Variants in KNTC1 observed in about 807,000 individuals in gnomAD.
The protein encoded by KNTC1 is kinetochore associated 1.
KNTC1 carries 253 observed loss-of-function variants against 314.4 expected under a neutral mutation model. The ratio of observed to expected loss-of-function variants is 0.80; its 90% CI spans 0.73 to 0.89. The LOEUF (loss-of-function observed/expected upper bound fraction) is 0.89. Ranked by LOEUF, KNTC1 falls within the 40% of genes least tolerant of loss-of-function variation. KNTC1 has a pLI of 0.00. For missense variants in KNTC1, 2,475 were observed against 2,572.9 expected, an observed-to-expected ratio of 0.96 and a Z score of 0.82; for synonymous variants, 901 against 901.4, an observed-to-expected ratio of 1.00 and a Z score of 0.01.
intron 1 of KNTC1, 83 bp from the exon 2 acceptor site, chr12:122,529,908 T>G (rs1413951455): frequency 1.5e-6 from 1 of 670,030 alleles, no homozygotes; most frequent in Non-Finnish European, 2.4e-6. Context: ...CTAAGATGTC[T>G]GTATATGTTA....
At chr12:122,583,977 T>A (rs1288968394) in intron 34 of KNTC1, among the ~76,000 whole-genome samples, 2 of 152,010 alleles carry the variant, frequency 1.3e-5, no homozygotes, top group Non-Finnish European at 2.9e-5. Flanking sequence ...ATTTAAAAAT[T>A]AGCCAAGTGT....
intron 24 of KNTC1, among the ~76,000 whole-genome samples, chr12:122,572,025 G>C (rs1295614237): frequency 6.6e-6 from 1 of 152,014 alleles, no homozygotes; most frequent in African/African-American, 2.4e-5. Flanking sequence ...ACCAAAAGGG[G>C]AACTATATAA....
intron 55 of KNTC1, 55 bp downstream of exon 55, chr12:122,613,816 A>T: frequency 6.7e-7 from 1 of 1,501,420 alleles, no homozygotes; most frequent in Non-Finnish European, 8.9e-7. Context: ...CAGAATCCTG[A>T]AAGAGAAAAC....
intron 29 of KNTC1, 73 bp from the exon 30 acceptor site, chr12:122,576,822 C>T: frequency 1.6e-6 from 2 of 1,256,208 alleles, no homozygotes; most frequent in South Asian, 1.9e-5. Context: ...TGCCACTTTG[C>T]TCTTATAAGC....
In KNTC1 at chr12:122,575,711, G is replaced by A. The variant is rs779809934; in HGVS notation, c.2486+65G>A. The A allele has an allele frequency of 1.1e-4, 167 of 1,469,260 alleles. 1 individual carries two copies. Among genetic ancestry groups the A allele is most frequent in the South Asian group, 3.9e-4 (33 of 84,440 alleles). The allele number at this position is 1,469,260 out of a possible 1,614,324, so 91.0% of individuals were successfully genotyped here. ...GAGAAACATTGTGTTTTGAGTTGAC[G>A]TTCATTTATGTTTCTATATTGTTTG... On this transcript the variant is annotated intron_variant, in intron 28 of 63. Coordinates refer to ENST00000333479, the MANE Select transcript of KNTC1 (RefSeq NM_014708.6).
At chr12:122,585,877 C>T (rs750446272) in intron 37 of KNTC1, 103 bp downstream of exon 37, 5 of 1,028,198 alleles carry the variant, frequency 4.9e-6, no homozygotes, top group Admixed American at 4.0e-5. Flanking sequence ...GTGGGCGAAC[C>T]TTATAAGCGT....
chr12:122,583,729 G>A (rs1296270799), intron 34 of KNTC1, among the ~76,000 whole-genome samples: 4 of 152,136 alleles, frequency 2.6e-5, no homozygotes, highest in African/African-American at 9.7e-5. Context: ...GGGAGGCTGA[G>A]GCAGGAGAAT....
chr12:122,613,809 A>G (rs746292275), intron 55 of KNTC1, 48 bp downstream of exon 55: 1 of 1,518,420 alleles, frequency 6.6e-7, no homozygotes, highest in Non-Finnish European at 8.8e-7. Flanking sequence ...CCCTACTCAG[A>G]ATCCTGAAAG....
chr12:122,583,916 A>G (rs1163872034), intron 34 of KNTC1, among the ~76,000 whole-genome samples: 1 of 152,150 alleles, frequency 6.6e-6, no homozygotes, highest in African/African-American at 2.4e-5. Context: ...TCAGCCCAGG[A>G]GTTTGAGACC....
chr12:122,618,867 A>T (rs548705532), intron 59 of KNTC1, among the ~76,000 whole-genome samples: 1 of 150,992 alleles, frequency 6.6e-6, no homozygotes, highest in South Asian at 2.1e-4. Flanking sequence ...TGGAATTTCC[A>T]AAGTGTTGGG....
intron 28 of KNTC1, 39 bp from the exon 29 acceptor site, chr12:122,575,761 A>ATT: frequency 6.4e-7 from 1 of 1,568,688 alleles, no homozygotes; most frequent in Non-Finnish European, 8.8e-7. Context: ...ACTTCATAAA[A>ATT]AAGACAATCC....
At chr12:122,576,747 A>G (rs1965052116) in intron 29 of KNTC1, 148 bp from the exon 30 acceptor site, 1 of 504,228 alleles carries the variant, frequency 2.0e-6, no homozygotes, top group Non-Finnish European at 3.4e-6. Flanking sequence ...TGGAATGATC[A>G]GAATATAAAT....
At chr12:122,577,612 G>A (rs898622439) in intron 30 of KNTC1, 60 bp from the exon 31 acceptor site, 6 of 1,522,218 alleles carry the variant, frequency 3.9e-6, no homozygotes, top group Non-Finnish European at 5.3e-6. Flanking sequence ...AAAGAGGTAA[G>A]GCCACACCGT....
chr12:122,572,999 G>T lies in KNTC1; in HGVS notation c.2082G>T (p.Glu694Asp). 2 of 1,609,860 alleles carry T rather than the reference G, an allele frequency of 1.2e-6. No individual in the cohort carries two copies. Among genetic ancestry groups the T allele is most frequent in the Non-Finnish European group, 1.7e-6 (2 of 1,177,540 alleles). The change falls in exon 25 of 64, where the codon GAG becomes GAT. Residue 694 changes from glutamate (E) to aspartate (D), a missense_variant. Transcript: ENST00000333479. ...GGACTTTGGTAAATAACTTGCGAGA[G>T]TTGATCACGTTGCATAGGAAGTACA... is the stretch of plus-strand genomic sequence containing the variant. ...QLRTLVNNLR[E>D]LITLHRKYNC...
At chr12:122,532,200 A>ATTTTTC (rs1961399649) in intron 2 of KNTC1, among the ~76,000 whole-genome samples, 2 of 126,032 alleles carry the variant, frequency 1.6e-5, no homozygotes, top group South Asian at 2.4e-4. Flanking sequence ...CGCCTGGCTA[A>ATTTTTC]TTTTTCTTTT....
intron 8 of KNTC1, among the ~76,000 whole-genome samples, chr12:122,545,841 C>G (rs962457854): frequency 2.0e-5 from 3 of 151,366 alleles, no homozygotes; most frequent in Admixed American, 2.0e-4. Flanking sequence ...GTCCCAGCTA[C>G]TGGGGAGGCT....
intron 12 of KNTC1, among the ~76,000 whole-genome samples, chr12:122,548,629 G>A (rs567243975): frequency 1.2e-4 from 19 of 152,124 alleles, no homozygotes; most frequent in South Asian, 4.1e-4. Flanking sequence ...ATTCAACAGA[G>A]TTGGAATATG....
chr12:122,573,117 A>G (rs774734341), intron 25 of KNTC1, 25 bp from the exon 26 acceptor site: 15 of 1,613,624 alleles, frequency 9.3e-6, no homozygotes, highest in Non-Finnish European at 1.3e-5. Flanking sequence ...GTCTGTATTT[A>G]TTCCATCTTT....
chr12:122,542,220 CTTATT>C, intron 6 of KNTC1, 93 bp downstream of exon 6: 2 of 797,376 alleles, frequency 2.5e-6, no homozygotes, highest in East Asian at 6.5e-5. Flanking sequence ...TCTCTTTAAG[CTTATT>C]TTATCTTACT....
Sources: gnomAD v4.1 joint callset for allele counts (sites outside exome capture counted in the v4.1 genomes callset) on GRCh38, gnomAD v4.1.1 for gene constraint, MANE v1.5 for transcripts, NCBI Gene and HGNC (gene_info 2026-07-23, HGNC 2026-07-21) for gene names.